Variants in ZNF385B observed in about 807,000 individuals in gnomAD.
ZNF385B encodes the protein zinc finger protein 533.
A neutral mutation model predicts 39.2 loss-of-function variants in ZNF385B; 23 were observed. The ratio of observed to expected loss-of-function variants is 0.59; its 90% CI spans 0.42 to 0.83. The LOEUF (loss-of-function observed/expected upper bound fraction) is 0.83, where lower values mean the gene tolerates loss of function less well. Ranked by LOEUF, ZNF385B falls within the 40% of genes least tolerant of loss-of-function variation. The probability of loss-of-function intolerance (pLI) is 0.00; values close to 1 mark genes in which losing one functional copy is unlikely to be tolerated. For missense variants in ZNF385B, 552 were observed against 598.9 expected (o/e 0.92, Z 0.82); for synonymous variants, 205 against 222.6 (o/e 0.92, Z 0.70).
intron 1 of ZNF385B, among the ~76,000 whole-genome samples, chr2:179,787,964 T>C (rs1450510265): frequency 6.6e-6 from 1 of 152,180 alleles, no homozygotes; most frequent in Admixed American, 6.6e-5. Context: ...ATTTTAGGTA[T>C]CATTTACCAC....
intron 3 of ZNF385B, among the ~76,000 whole-genome samples, chr2:179,678,674 T>G (rs1286554447): frequency 1.3e-5 from 2 of 152,166 alleles, no homozygotes; most frequent in Non-Finnish European, 2.9e-5. Context: ...TTATTTTGGG[T>G]TTTCTGTCAG....
intron 6 of ZNF385B, among the ~76,000 whole-genome samples, chr2:179,458,992 C>T (rs988287872): frequency 6.6e-6 from 1 of 152,182 alleles, no homozygotes; most frequent in South Asian, 2.1e-4. Flanking sequence ...ACCAAGAACT[C>T]AGAAGGAGAG....
chr2:179,544,746 A>G, intron 4 of ZNF385B, 81 bp downstream of exon 4: 1 of 1,546,606 alleles, frequency 6.5e-7, no homozygotes. Flanking sequence ...CTTTGGAAAC[A>G]GGCTGTATCT....
intron 1 of ZNF385B, among the ~76,000 whole-genome samples, chr2:179,798,795 A>C (rs1232911370): frequency 6.6e-6 from 1 of 152,008 alleles, no homozygotes; most frequent in Non-Finnish European, 1.5e-5. Context: ...ACGGTTGTTT[A>C]TTTCACTTTG....
chr2:179,745,998 C>A, intron 3 of ZNF385B: 1 of 1,166,580 alleles, frequency 8.6e-7, no homozygotes, highest in Non-Finnish European at 1.1e-6. Flanking sequence ...GAAAGCAGAG[C>A]AATTTCAATT....
At chr2:179,460,215 A>AAG (rs2051174306) in intron 6 of ZNF385B, among the ~76,000 whole-genome samples, 1 of 152,142 alleles carries the variant, frequency 6.6e-6, no homozygotes, top group Admixed American at 6.5e-5. Flanking sequence ...GGCCTATCTG[A>AAG]AGAGGTGATA....
chr2:179,507,471 C>G (rs17747870), intron 5 of ZNF385B, among the ~76,000 whole-genome samples: 9,591 of 152,008 alleles, frequency 0.063, 365 homozygotes, highest in South Asian at 0.12. Flanking sequence ...AGTACAGGGC[C>G]TGGCAGAAGA....
chr2:179,615,105 G>C (rs1277252784), intron 3 of ZNF385B, among the ~76,000 whole-genome samples: 1 of 152,096 alleles, frequency 6.6e-6, no homozygotes. Context: ...TCCTTTTCTT[G>C]TTACACTTTT....
intron 4 of ZNF385B, among the ~76,000 whole-genome samples, chr2:179,537,159 A>T (rs2059616933): frequency 6.6e-6 from 1 of 151,724 alleles, no homozygotes; most frequent in South Asian, 2.1e-4. Flanking sequence ...AAAAATACAA[A>T]ATTAACCGGG....
intron 7 of ZNF385B, among the ~76,000 whole-genome samples, chr2:179,446,102 A>T (rs923231535): frequency 2.6e-5 from 4 of 152,132 alleles, no homozygotes; most frequent in African/African-American, 9.7e-5. Context: ...AATCATGTAC[A>T]TATTTTCTGA....
In ZNF385B at chr2:179,739,549, T is replaced by C. The variant is rs530757072; in HGVS notation, c.298+29954A>G. Among the ~76,000 whole-genome samples the C allele has an allele frequency of 1.2e-4, 19 of 152,310 alleles. 1 individual carries two copies. The highest frequency in any genetic ancestry group is 3.8e-4 in the African/African-American group (16 of 41,572). Reference sequence around the variant, plus strand: ...TGTTTTCAGGGTGTTAAAGTCACTTTTGTAGTTTATTTTTACTTCAGTTGA... The same window carrying C: ...TGTTTTCAGGGTGTTAAAGTCACTTCTGTAGTTTATTTTTACTTCAGTTGA... On this transcript the variant is annotated intron_variant, in intron 3 of 9. Coordinates refer to ENST00000410066, the MANE Select transcript of ZNF385B (RefSeq NM_152520.6).
chr2:179,767,879 A>G (rs935877207), intron 3 of ZNF385B, among the ~76,000 whole-genome samples: 4 of 150,430 alleles, frequency 2.7e-5, no homozygotes, highest in Non-Finnish European at 5.9e-5. Context: ...GCTCTAACTT[A>G]GGTATCAGTT....
At chr2:179,734,707 A>G (rs1057223130) in intron 3 of ZNF385B, among the ~76,000 whole-genome samples, 12 of 152,220 alleles carry the variant, frequency 7.9e-5, no homozygotes, top group Non-Finnish European at 1.8e-4. Context: ...GTACTCATAT[A>G]CTAACAGGTG....
intron 4 of ZNF385B, among the ~76,000 whole-genome samples, chr2:179,524,463 A>T (rs2058732573): frequency 6.9e-6 from 1 of 144,924 alleles, no homozygotes; most frequent in African/African-American, 2.5e-5. Flanking sequence ...GAGGCAGGAG[A>T]ATGACGTGAA....
chr2:179,532,275 C>G (rs1035117961), intron 4 of ZNF385B, among the ~76,000 whole-genome samples: 2 of 152,162 alleles, frequency 1.3e-5, no homozygotes, highest in African/African-American at 4.8e-5. Context: ...ATACGCAAAG[C>G]CCTCTCTGCC....
intron 3 of ZNF385B, among the ~76,000 whole-genome samples, chr2:179,558,298 G>A (rs2061089293): frequency 6.6e-6 from 1 of 152,082 alleles, no homozygotes; most frequent in Non-Finnish European, 1.5e-5. Flanking sequence ...TAGCTCTAGG[G>A]CACAAAATGT....
chr2:179,689,825 GT>G (rs1491388561), intron 3 of ZNF385B, among the ~76,000 whole-genome samples: 1 of 43,232 alleles, frequency 2.3e-5, no homozygotes, highest in African/African-American at 1.1e-4. Context: ...GTGTGTGTGT[GT>G]TTATTTGTTT....
intron 4 of ZNF385B, among the ~76,000 whole-genome samples, chr2:179,537,754 CAAACAAACA>C (rs775228870): frequency 1.0e-5 from 1 of 99,934 alleles, no homozygotes; most frequent in African/African-American, 4.4e-5. Context: ...AACAAACAAA[CAAACAAACA>C]AACAAAAAAA....
At chr2:179,524,252 A>G (rs2058713063) in intron 4 of ZNF385B, among the ~76,000 whole-genome samples, 1 of 152,042 alleles carries the variant, frequency 6.6e-6, no homozygotes. Flanking sequence ...CAGGTTCTTT[A>G]CTTTTAAAAT....
Sources: gnomAD v4.1 joint callset for allele counts (sites outside exome capture counted in the v4.1 genomes callset) on GRCh38, gnomAD v4.1.1 for gene constraint, MANE v1.5 for transcripts, NCBI Gene and HGNC (gene_info 2026-07-23, HGNC 2026-07-21) for gene names.